Variants in LRRC66 observed in about 807,000 individuals in gnomAD.
LRRC66 encodes leucine rich repeat containing 66, also known as leucine-rich repeat-containing protein 66.
LRRC66 carries 29 observed loss-of-function variants against 24.6 expected under a neutral mutation model. That is an observed-to-expected ratio of 1.18 (90% CI 0.88 to 1.61). LRRC66 has a LOEUF of 1.61. Among genes scored for constraint, LRRC66 ranks in the 40% most tolerant of loss-of-function variants. The pLI, the probability that LRRC66 is intolerant of heterozygous loss-of-function variation, is 0.00. For missense variants in LRRC66, 1,124 were observed against 1,058.0 expected, an observed-to-expected ratio of 1.06 and a Z score of -0.87; for synonymous variants, 411 against 397.6, an observed-to-expected ratio of 1.03 and a Z score of -0.40.
rs756409258 is a variant in LRRC66, at chr4:51,995,098, C to T, written c.1924G>A (p.Gly642Arg). The T allele has an allele frequency of 1.9e-5, 30 of 1,614,226 alleles. No individual in the cohort carries two copies. Among genetic ancestry groups the T allele is most frequent in the Middle Eastern group, 3.3e-4 (2 of 6,060 alleles). The change falls in exon 5 of 5, where the codon GGG becomes AGG. Residue 642 changes from glycine (G) to arginine (R), a missense_variant. Gly to Arg is a moderately radical substitution (Grantham distance 125, BLOSUM62 -2). Transcript: ENST00000682860. ...LLSIQQPRLS[G>R]ARAEEALSAH... is the part of the protein sequence containing the mutation. Reference sequence around the variant, plus strand: ...GAAAGCGCTTCCTCAGCCCTTGCCCCGGACAGCCTTGGCTGCTGTATGCTC... The same window carrying T: ...GAAAGCGCTTCCTCAGCCCTTGCCCTGGACAGCCTTGGCTGCTGTATGCTC...
chr4:51,994,740 G>T lies in LRRC66; in HGVS notation c.2282C>A (p.Thr761Lys), dbSNP rs772677749. Residue 761 changes from threonine (T) to lysine (K), a missense_variant, in exon 5 of 5, where the codon ACA (threonine) becomes AAA (lysine). Coordinates refer to ENST00000682860, the MANE Select transcript of LRRC66 (RefSeq NM_001024611.3). ...DSLEENVTFQTIPGKCKNQED... is the reference protein window; with the variant it reads ...DSLEENVTFQKIPGKCKNQED... Reference sequence around the variant, plus strand: ...TTGATTCTTGCATTTCCCTGGAATTGTTTGGAAGGTAACATTTTCCTCAAG... The same window carrying T: ...TTGATTCTTGCATTTCCCTGGAATTTTTTGGAAGGTAACATTTTCCTCAAG... The T allele has an allele frequency of 1.2e-6, 2 of 1,614,090 alleles. No individual in the cohort carries two copies. The highest frequency in any genetic ancestry group is 1.7e-6 in the Non-Finnish European group (2 of 1,180,034).
rs996705349 is a variant in LRRC66, at chr4:51,994,654, G to A, written c.2368C>T (p.Leu790=). The change falls in exon 5 of 5, where the codon CTG becomes TTG. Residue 790 remains leucine (L), a synonymous_variant. Coordinates refer to ENST00000682860, the MANE Select transcript of LRRC66 (RefSeq NM_001024611.3). ...APDSGMYKTH[L]ENASDTDRSE... ...CTATCAGTGTCAGAGGCATTTTCCA[G>A]ATGAGTCTTGTACATGCCAGAGTCT... 7 of 1,614,042 alleles carry A rather than the reference G, an allele frequency of 4.3e-6. No homozygotes were observed. The Admixed American group carries it at 6.7e-5, about 15-fold the overall frequency.
intron 3 of LRRC66, among the ~76,000 whole-genome samples, chr4:51,998,790 C>T (rs1290704675): frequency 2.6e-5 from 4 of 152,170 alleles, no homozygotes; most frequent in African/African-American, 2.4e-5. Flanking sequence ...TGCCATTTGC[C>T]GAGCCCTGCT....
chr4:52,012,359 G>C (rs1313650847), intron 2 of LRRC66, among the ~76,000 whole-genome samples: 1 of 152,146 alleles, frequency 6.6e-6, no homozygotes, highest in Non-Finnish European at 1.5e-5. Context: ...TTCTTCTGGA[G>C]ATGAGAATAA....
At position 51,997,974 on chromosome 4, in the gene LRRC66, A is replaced by G. The variant is rs754434579; in HGVS notation, c.667-37T>C. On this transcript the variant is annotated intron_variant, in intron 3 of 4. Transcript: ENST00000682860. The stretch of plus-strand genomic sequence containing the variant: ...GAAACAAGTTTAGGATGGTCTGTGG[A>G]TAAAGACATTTACAGATAAAATAAA... 3 of 1,547,216 alleles carry G rather than the reference A, an allele frequency of 1.9e-6. No homozygotes were observed. In the African/African-American group the frequency reaches 4.1e-5, roughly 21 times the overall value.
intron 2 of LRRC66, among the ~76,000 whole-genome samples, chr4:52,005,168 C>G (rs1208697728): frequency 6.6e-6 from 1 of 152,138 alleles, no homozygotes; most frequent in Non-Finnish European, 1.5e-5. Flanking sequence ...AATCATTGTA[C>G]TGACATTAAA....
chr4:52,018,092 T>G (rs1255292252), intron 1 of LRRC66: 1 of 985,332 alleles, frequency 1.0e-6, no homozygotes, highest in Admixed American at 6.1e-5. Flanking sequence ...CATAACTCTA[T>G]GAGTAAAAAG....
chr4:52,004,589 A>C (rs968191372), intron 2 of LRRC66, among the ~76,000 whole-genome samples: 4 of 152,208 alleles, frequency 2.6e-5, no homozygotes, highest in African/African-American at 9.6e-5. Context: ...GGGTCTCAGA[A>C]GGAAGTGCCT....
chr4:51,996,166 C>T lies in LRRC66; in HGVS notation c.857-1G>A, dbSNP rs759879670. Reference sequence around the variant, plus strand: ...GTGCCCCCGTTGGCCTCCTCACTCCCTGCAAGTGGGATTAAAAAAATACAC... The same window carrying T: ...GTGCCCCCGTTGGCCTCCTCACTCCTTGCAAGTGGGATTAAAAAAATACAC... On this transcript the variant is annotated splice_acceptor_variant, in intron 4 of 4. Coordinates refer to ENST00000682860, the MANE Select transcript of LRRC66 (RefSeq NM_001024611.3). LOFTEE classifies it high-confidence loss of function. 11 of 1,570,928 alleles carry T rather than the reference C, an allele frequency of 7.0e-6. No homozygotes were observed. The highest frequency in any genetic ancestry group is 2.0e-5 in the Admixed American group (1 of 50,926).
At chr4:52,008,343 G>C (rs1362045627) in intron 2 of LRRC66, among the ~76,000 whole-genome samples, 3 of 152,036 alleles carry the variant, frequency 2.0e-5, no homozygotes, top group African/African-American at 7.3e-5. Context: ...GTAAATTCCA[G>C]TTGGATTATA....
intron 1 of LRRC66, chr4:52,017,974 G>A: frequency 1.0e-6 from 1 of 985,346 alleles, no homozygotes; most frequent in Non-Finnish European, 1.2e-6. Flanking sequence ...CTGTTTCTTT[G>A]CAGGCCATTA....
rs1736269475 is a variant in LRRC66 at position 51,995,249 on chromosome 4, C to T, written c.1773G>A (p.Met591Ile). ...TCCTCTGTGCTTCTGCATGTGTTAG[C>T]ATTTTACAGAGGGAAGCTGTTATTT... ...SGEITASLCK[M>I]LTHAEAQRTG... The change falls in exon 5 of 5, where the codon ATG (methionine) becomes ATA (isoleucine). Residue 591 changes from methionine to isoleucine, a missense_variant. By Grantham distance (10) the Met-to-Ile change is conservative. Transcript: ENST00000682860. 6.2e-7 allele frequency: 1 copy of T among 1,614,170 alleles called. No homozygotes were observed. The highest frequency in any genetic ancestry group is 8.5e-7 in the Non-Finnish European group (1 of 1,180,024).
chr4:52,006,563 AG>A (rs1471534347), intron 2 of LRRC66, among the ~76,000 whole-genome samples: 5 of 46,578 alleles, frequency 1.1e-4, no homozygotes, highest in Non-Finnish European at 8.1e-5. Context: ...GGTTGGGGGG[AG>A]GGGGGAGGGA....
chr4:52,013,577 G>A (rs1250390018), intron 2 of LRRC66, among the ~76,000 whole-genome samples: 2 of 152,214 alleles, frequency 1.3e-5, no homozygotes, highest in East Asian at 3.8e-4. Flanking sequence ...GAGGAAGGTA[G>A]AAGCATCATT....
Position 52,017,157 on chromosome 4 carries a change from G to A in LRRC66, c.457C>T (p.Leu153Phe), listed in dbSNP as rs745563370. 7.4e-6 allele frequency: 12 copies of A among 1,613,796 alleles called. No individual in the cohort carries two copies. Among genetic ancestry groups the A allele is most frequent in the Non-Finnish European group, 1.0e-5 (12 of 1,179,940 alleles). ...FRNRFPLLKV[L>F]ILQRNKLSDT... Reference sequence around the variant, plus strand: ...CTGAGTTTATTTCTTTGAAGAATGAGCACCTTCAGCAATGGAAACCTGTTT... The same window carrying A: ...CTGAGTTTATTTCTTTGAAGAATGAACACCTTCAGCAATGGAAACCTGTTT... The change falls in exon 2 of 5, where the codon CTC becomes TTC. Residue 153 changes from leucine (L) to phenylalanine (F), a missense_variant. Transcript: ENST00000682860.
chr4:51,998,893 G>A (rs1736384099), intron 3 of LRRC66, among the ~76,000 whole-genome samples: 1 of 152,176 alleles, frequency 6.6e-6, no homozygotes, highest in Admixed American at 6.5e-5. Flanking sequence ...GAAGAAGCTG[G>A]GTTAAGCCAC....
Position 51,995,624 on chromosome 4 carries a change from G to A in LRRC66, c.1398C>T (p.His466=), listed in dbSNP as rs371327332. 1.2e-4 allele frequency: 190 copies of A among 1,613,958 alleles called. 1 individual carries two copies. Among genetic ancestry groups the A allele is most frequent in the Non-Finnish European group, 1.5e-4 (182 of 1,180,020 alleles). ...GAGTTCTATCAGGAATTACGGTGGC[G>A]TGTGGGTGTGGCTGTGTCACCCAGA... ...TPFWVTQPHP[H]ATVIPDRTLG... is the part of the protein sequence containing the mutation. The change falls in exon 5 of 5, where the codon CAC becomes CAT. Residue 466 remains histidine, a synonymous_variant. Coordinates refer to ENST00000682860, the MANE Select transcript of LRRC66 (RefSeq NM_001024611.3).
chr4:52,009,455 C>G (rs1292307656), intron 2 of LRRC66, among the ~76,000 whole-genome samples: 1 of 151,970 alleles, frequency 6.6e-6, no homozygotes, highest in Non-Finnish European at 1.5e-5. Context: ...AAACCAAAAG[C>G]TGGTTCTTTA....
In LRRC66 at chr4:52,017,351, T is replaced by C; in HGVS notation, c.263A>G (p.Lys88Arg). The C allele has an allele frequency of 6.2e-7, 1 of 1,614,158 alleles. No individual in the cohort carries two copies. Among genetic ancestry groups the C allele is most frequent in the Non-Finnish European group, 8.5e-7 (1 of 1,180,006 alleles). ...SHTKKEEWKI[K>R]HLDLSNNLIS... ...GAGATTGTTACTGAGGTCCAGATGT[T>C]TTATTTTCCACTCTTCTTTTTTCGT... The change falls in exon 2 of 5, where the codon AAA (lysine) becomes AGA (arginine). Residue 88 changes from lysine (K) to arginine (R), a missense_variant. Transcript: ENST00000682860.
Sources: allele counts gnomAD v4.1 joint callset (sites outside exome capture counted in the v4.1 genomes callset), GRCh38; gene constraint gnomAD v4.1.1; transcripts MANE v1.5; gene names NCBI Gene and HGNC (gene_info 2026-07-23, HGNC 2026-07-21).